SYT6: variants seen among roughly 807,000 people sequenced by gnomAD.
The protein encoded by SYT6 is synaptotagmin 6.
SYT6 carries 24 observed loss-of-function variants against 38.4 expected under a neutral mutation model. That is an observed-to-expected ratio of 0.62 (90% CI 0.45 to 0.88). The LOEUF (loss-of-function observed/expected upper bound fraction) is 0.88. Among genes scored for constraint, SYT6 ranks in the 40% least tolerant of loss-of-function variants. The pLI is 0.00. For missense variants in SYT6, 611 were observed against 621.0 expected (o/e 0.98, Z 0.17); for synonymous variants, 265 against 241.9 (o/e 1.10, Z -0.89).
At chr1:114,103,807 G>A (rs1328732149) in intron 3 of SYT6, 86 bp from the exon 4 acceptor site, 4 of 1,512,380 alleles carry the variant, frequency 2.6e-6, no homozygotes, top group Non-Finnish European at 3.6e-6. Flanking sequence ...GGGCGCTCTG[G>A]GGTCAGGAGG....
intron 4 of SYT6, among the ~76,000 whole-genome samples, chr1:114,099,964 G>A (rs545089200): frequency 6.6e-6 from 1 of 152,204 alleles, no homozygotes; most frequent in Admixed American, 6.5e-5. Context: ...GGGAGCTGTG[G>A]CCCGGGGAGA....
chr1:114,122,596 T>A (rs1571862456), intron 3 of SYT6, among the ~76,000 whole-genome samples: 1 of 152,116 alleles, frequency 6.6e-6, no homozygotes, highest in Admixed American at 6.5e-5. Context: ...CTGCTGAGAT[T>A]CTACTTCCCT....
intron 3 of SYT6, among the ~76,000 whole-genome samples, chr1:114,135,995 G>A (rs896279223): frequency 2.0e-4 from 31 of 152,298 alleles, no homozygotes; most frequent in African/African-American, 4.1e-4. Flanking sequence ...GTTCCAATCC[G>A]CCCTGTCTGC....
chr1:114,112,767 G>A (rs1571845465), intron 3 of SYT6, among the ~76,000 whole-genome samples: 2 of 152,360 alleles, frequency 1.3e-5, no homozygotes, highest in African/African-American at 2.4e-5. Flanking sequence ...CATTAATGAA[G>A]TTAATGATGA....
At chr1:114,093,203 G>A (rs998914059) in intron 7 of SYT6, among the ~76,000 whole-genome samples, 4 of 152,174 alleles carry the variant, frequency 2.6e-5, no homozygotes, top group East Asian at 1.9e-4. Context: ...TAGAAGGGCC[G>A]AGCCACCTGA....
chr1:114,123,016 A>T (rs1260614785), intron 3 of SYT6, among the ~76,000 whole-genome samples: 1 of 152,142 alleles, frequency 6.6e-6, no homozygotes, highest in Non-Finnish European at 1.5e-5. Flanking sequence ...AGGCACTCTG[A>T]GCTTGGCTGT....
At chr1:114,120,384 G>A (rs1177735618) in intron 3 of SYT6, among the ~76,000 whole-genome samples, 1 of 152,182 alleles carries the variant, frequency 6.6e-6, no homozygotes, top group East Asian at 1.9e-4. Flanking sequence ...TTATCTGCCA[G>A]AATGCTTCAA....
chr1:114,131,882 C>A (rs751708485), intron 3 of SYT6, among the ~76,000 whole-genome samples: 1 of 152,188 alleles, frequency 6.6e-6, no homozygotes, highest in East Asian at 1.9e-4. Context: ...GAGAACCTAA[C>A]AAGTCCACAA....
At chr1:114,115,730 G>A (rs956003656) in intron 3 of SYT6, among the ~76,000 whole-genome samples, 7 of 152,092 alleles carry the variant, frequency 4.6e-5, no homozygotes, top group South Asian at 2.1e-4. Context: ...CACATATTAC[G>A]TTCATTTTAC....
At chr1:114,137,136 T>C (rs539548842) in intron 3 of SYT6, among the ~76,000 whole-genome samples, 25 of 152,350 alleles carry the variant, frequency 1.6e-4, no homozygotes, top group African/African-American at 5.5e-4. Flanking sequence ...CTCGGACTGT[T>C]TGCTGCTGCA....
In SYT6 at chr1:114,153,287, G is replaced by C. The variant is rs549068035; in HGVS notation, c.163+323C>G. Among the ~76,000 whole-genome samples, 26 of 152,328 alleles carry C rather than the reference G, an allele frequency of 1.7e-4. No homozygotes were observed. The Middle Eastern group carries it at 0.01, about 60-fold the overall frequency. On this transcript the variant is annotated intron_variant, in intron 1 of 7. Coordinates refer to ENST00000610222, the MANE Select transcript of SYT6 (RefSeq NM_001253772.2). ...GGACCCCTCTCCTGGCAAATCGCCCGCAGAGCGAGCTTGGAGATGCGAGGG... is the reference window on the plus strand; with the variant it reads ...GGACCCCTCTCCTGGCAAATCGCCCCCAGAGCGAGCTTGGAGATGCGAGGG...
At chr1:114,113,516 T>C (rs1485323726) in intron 3 of SYT6, among the ~76,000 whole-genome samples, 1 of 152,184 alleles carries the variant, frequency 6.6e-6, no homozygotes, top group East Asian at 1.9e-4. Context: ...AAAGTTGCCC[T>C]TTTCTGTTTA....
rs1012228962 is a variant in SYT6, at chr1:114,113,970, C to T, written c.1072-10249G>A. 3.7e-4 allele frequency among the ~76,000 whole-genome samples: 57 copies of T among 152,204 alleles called. 2 individuals carry two copies. The highest frequency in any genetic ancestry group is 8.8e-5 in the Non-Finnish European group (6 of 68,040). On this transcript the variant is annotated intron_variant, in intron 3 of 7. Coordinates refer to ENST00000610222, the MANE Select transcript of SYT6 (RefSeq NM_001253772.2). ...AGCCTCCCCCCGTGCCAGGGCTCTC[C>T]TCACAGGCTTCCTCAAATGCCCCAG...
At position 114,137,935 on chromosome 1, in the gene SYT6, G is replaced by T. The variant is rs748232754; in HGVS notation, c.631C>A (p.Leu211Ile). Residue 211 changes from leucine (L) to isoleucine (I), a missense_variant, in exon 3 of 8, where the codon CTC (leucine) becomes ATC (isoleucine). Physicochemically the swap from Leu to Ile is conservative, Grantham distance 5. Transcript: ENST00000610222. ...CCATCCACCGACTTCTGCTTGTAGAGCTCAGGCTTGATGCGGCCAATGCTG... is the reference window on the plus strand; with the variant it reads ...CCATCCACCGACTTCTGCTTGTAGATCTCAGGCTTGATGCGGCCAATGCTG... ...PTSIGRIKPELYKQKSVDGED... is the reference protein window; with the variant it reads ...PTSIGRIKPEIYKQKSVDGED... 1.7e-5 allele frequency: 28 copies of T among 1,614,060 alleles called. No homozygotes were observed. Among genetic ancestry groups the T allele is most frequent in the Non-Finnish European group, 2.4e-5 (28 of 1,180,010 alleles).
chr1:114,111,642 C>T (rs913366920), intron 3 of SYT6, among the ~76,000 whole-genome samples: 1 of 132,826 alleles, frequency 7.5e-6, no homozygotes, highest in Non-Finnish European at 1.7e-5. Context: ...CTTGGTCTGG[C>T]CTGGGGTTGT....
chr1:114,116,206 C>T lies in SYT6; in HGVS notation c.1072-12485G>A, dbSNP rs538341842. ...CCTGGCCTCAGCCCGTCATTTCTCA[C>T]GAAAGTCACCTGTTAAGTCATTCTC... On this transcript the variant is annotated intron_variant, in intron 3 of 7. Coordinates refer to ENST00000610222, the MANE Select transcript of SYT6 (RefSeq NM_001253772.2). Among the ~76,000 whole-genome samples the T allele has an allele frequency of 4.6e-5, 7 of 152,318 alleles. No homozygotes were observed. The South Asian group carries it at 8.3e-4, about 18-fold the overall frequency.
intron 6 of SYT6, among the ~76,000 whole-genome samples, chr1:114,095,176 C>G (rs1039742891): frequency 1.3e-5 from 2 of 152,128 alleles, no homozygotes; most frequent in Admixed American, 6.6e-5. Context: ...AAAGTAAACC[C>G]AAAGGATATC....
intron 3 of SYT6, among the ~76,000 whole-genome samples, 157 bp from the exon 4 acceptor site, chr1:114,103,878 G>T (rs1275190496): frequency 6.6e-6 from 1 of 152,244 alleles, no homozygotes; most frequent in Non-Finnish European, 1.5e-5. Context: ...CATGCTGCAA[G>T]TAACAGGGTA....
chr1:114,109,848 C>G (rs1304084238), intron 3 of SYT6, among the ~76,000 whole-genome samples: 2 of 152,198 alleles, frequency 1.3e-5, no homozygotes, highest in East Asian at 3.9e-4. Flanking sequence ...TTGATAGGAT[C>G]TAGACAGGTC....
Sources: gnomAD v4.1 joint callset for allele counts (sites outside exome capture counted in the v4.1 genomes callset) on GRCh38, gnomAD v4.1.1 for gene constraint, MANE v1.5 for transcripts, NCBI Gene and HGNC (gene_info 2026-07-23, HGNC 2026-07-21) for gene names.